The following ARID1B variants were observed in gnomAD, a reference collection of about 807,000 sequenced individuals.
The protein encoded by ARID1B is AT-rich interactive domain-containing protein 1B.
In ARID1B, 30 loss-of-function variants were observed where a neutral mutation model predicts 212.3. The observed-to-expected ratio is 0.14, with a 90% CI of 0.11 to 0.19. The LOEUF is 0.19. Ranked by LOEUF, ARID1B falls within the 10% of genes least tolerant of loss-of-function variation. The pLI is 1.00. For missense variants in ARID1B, 2,891 were observed against 3,204.0 expected (o/e 0.90, Z 2.36); for synonymous variants, 1,402 against 1,301.7 (o/e 1.08, Z -1.66).
chr6:157,158,830 A>G (rs551831130), intron 8 of ARID1B, among the ~76,000 whole-genome samples: 3 of 152,346 alleles, frequency 2.0e-5, no homozygotes, highest in East Asian at 1.9e-4. Context: ...TAATGGTACT[A>G]TGATCTCAAG....
intron 4 of ARID1B, among the ~76,000 whole-genome samples, chr6:156,964,973 T>C (rs184649396): frequency 6.6e-6 from 1 of 152,358 alleles, no homozygotes; most frequent in Admixed American, 6.5e-5. Flanking sequence ...ATGGTTTTTG[T>C]GTTGTGAAAG....
At chr6:157,029,640 A>T (rs1780900661) in intron 4 of ARID1B, among the ~76,000 whole-genome samples, 1 of 152,208 alleles carries the variant, frequency 6.6e-6, no homozygotes, top group Non-Finnish European at 1.5e-5. Flanking sequence ...TGGCCATGGG[A>T]TGATCTGGTA....
chr6:156,887,814 A>G (rs1392862324), intron 2 of ARID1B, among the ~76,000 whole-genome samples: 1 of 152,210 alleles, frequency 6.6e-6, no homozygotes, highest in Non-Finnish European at 1.5e-5. Context: ...CTACACACGA[A>G]TGAGTAATTT....
intron 3 of ARID1B, among the ~76,000 whole-genome samples, chr6:156,923,022 G>C (rs2128242983): frequency 6.6e-6 from 1 of 152,324 alleles, no homozygotes; most frequent in Non-Finnish European, 1.5e-5. Flanking sequence ...CCAAGTGTGA[G>C]ATGCCAGTGC....
At chr6:156,881,664 T>C (rs1028572998) in intron 2 of ARID1B, among the ~76,000 whole-genome samples, 8 of 152,204 alleles carry the variant, frequency 5.3e-5, no homozygotes, top group African/African-American at 1.9e-4. Context: ...GGATCTCCAG[T>C]GTTCCTGTCC....
At chr6:157,098,783 C>T (rs1377829780) in intron 5 of ARID1B, among the ~76,000 whole-genome samples, 2 of 152,130 alleles carry the variant, frequency 1.3e-5, no homozygotes, top group Non-Finnish European at 2.9e-5. Flanking sequence ...AGTGGAGTGG[C>T]AAGTGCAGTG....
chr6:156,977,456 T>G (rs994158996), intron 4 of ARID1B, among the ~76,000 whole-genome samples: 4 of 152,148 alleles, frequency 2.6e-5, no homozygotes, highest in Non-Finnish European at 5.9e-5. Context: ...AAAGTGAAAA[T>G]GTATTTTTTA....
intron 7 of ARID1B, among the ~76,000 whole-genome samples, chr6:157,140,208 G>A (rs1004667898): frequency 6.6e-6 from 1 of 151,938 alleles, no homozygotes; most frequent in Non-Finnish European, 1.5e-5. Flanking sequence ...AGTGGCTCAC[G>A]CCTGTAATCC....
chr6:156,931,002 A>G (rs193294941), intron 3 of ARID1B, among the ~76,000 whole-genome samples: 8 of 152,202 alleles, frequency 5.3e-5, no homozygotes, highest in East Asian at 1.9e-4. Flanking sequence ...CATTCTGGCC[A>G]ACACAGTGAA....
Position 157,021,550 on chromosome 6 carries a change from G to A in ARID1B, c.2248-63112G>A, listed in dbSNP as rs529605407. Among the ~76,000 whole-genome samples the A allele has an allele frequency of 2.6e-3, 390 of 152,314 alleles. 2 individuals carry two copies. Among genetic ancestry groups the A allele is most frequent in the African/African-American group, 8.7e-3 (363 of 41,586 alleles). On this transcript the variant is annotated intron_variant, in intron 4 of 19. Coordinates refer to ENST00000636930, the MANE Select transcript of ARID1B (RefSeq NM_001374828.1). ...ACCCCGCACGTAGGCTCGTGGGGGCGGGGACAGGGGGACGAAAACAACCGC... is the reference window on the plus strand; with the variant it reads ...ACCCCGCACGTAGGCTCGTGGGGGCAGGGACAGGGGGACGAAAACAACCGC...
chr6:156,825,649 G>A (rs376474406), intron 1 of ARID1B, among the ~76,000 whole-genome samples: 2 of 152,164 alleles, frequency 1.3e-5, no homozygotes, highest in South Asian at 2.1e-4. Flanking sequence ...AGTTTTGGTC[G>A]TGCACTATTT....
chr6:157,021,715 G>C (rs1780293597), intron 4 of ARID1B, among the ~76,000 whole-genome samples: 1 of 151,878 alleles, frequency 6.6e-6, no homozygotes, highest in Admixed American at 6.5e-5. Context: ...CCGCCTGCAG[G>C]CACCGTCCGC....
At chr6:156,893,129 G>A (rs62434270) in intron 2 of ARID1B, among the ~76,000 whole-genome samples, 7,337 of 142,500 alleles carry the variant, frequency 0.051, 246 homozygotes, top group Middle Eastern at 0.12. Context: ...TGCAGCCTCC[G>A]CCTCCTGGGT....
intron 4 of ARID1B, among the ~76,000 whole-genome samples, chr6:156,987,329 T>G (rs1313781881): frequency 6.6e-6 from 1 of 151,658 alleles, no homozygotes; most frequent in East Asian, 1.9e-4. Context: ...TAGATACCAG[T>G]GCTAGTTTTT....
chr6:156,935,625 T>C, intron 4 of ARID1B, 49 bp downstream of exon 4: 1 of 1,460,060 alleles, frequency 6.8e-7, no homozygotes, highest in South Asian at 1.2e-5. Context: ...TAAAGACTTT[T>C]AGAAAGAGCT....
chr6:157,109,093 T>C (rs1786707979), intron 5 of ARID1B, among the ~76,000 whole-genome samples: 1 of 152,198 alleles, frequency 6.6e-6, no homozygotes, highest in African/African-American at 2.4e-5. Flanking sequence ...TACCCCGTGA[T>C]TAGACTTAGT....
At chr6:157,102,188 G>A (rs1786091927) in intron 5 of ARID1B, among the ~76,000 whole-genome samples, 1 of 152,098 alleles carries the variant, frequency 6.6e-6, no homozygotes, top group Non-Finnish European at 1.5e-5. Flanking sequence ...CCTCAATAAA[G>A]GATTAATGTG....
intron 6 of ARID1B, among the ~76,000 whole-genome samples, chr6:157,118,540 A>C (rs1787490131): frequency 6.6e-6 from 1 of 152,228 alleles, no homozygotes; most frequent in African/African-American, 2.4e-5. Context: ...TGATGTGTGA[A>C]AGATGAAAAT....
intron 4 of ARID1B, among the ~76,000 whole-genome samples, chr6:157,080,891 A>C (rs1784594372): frequency 6.6e-6 from 1 of 152,240 alleles, no homozygotes; most frequent in African/African-American, 2.4e-5. Context: ...TTAAAAAATT[A>C]ATCATCGATA....
Sources: gnomAD v4.1 joint callset for allele counts (sites outside exome capture counted in the v4.1 genomes callset) on GRCh38, gnomAD v4.1.1 for gene constraint, MANE v1.5 for transcripts, NCBI Gene and HGNC (gene_info 2026-07-23, HGNC 2026-07-21) for gene names.